ADAM12: variants seen among roughly 807,000 people sequenced by gnomAD.
ADAM12 encodes disintegrin and metalloproteinase domain-containing protein 12.
In ADAM12, 70 loss-of-function variants were observed where a neutral mutation model predicts 106.4. The observed-to-expected ratio is 0.66, with a 90% CI of 0.54 to 0.80. ADAM12 has a LOEUF of 0.80. Among genes scored for constraint, ADAM12 ranks in the 30% least tolerant of loss-of-function variants. ADAM12 has a pLI of 0.00. For synonymous variants in ADAM12, 420 were observed against 433.5 expected, an observed-to-expected ratio of 0.97 and a Z score of 0.39; for missense variants, 1,010 against 1,171.9, an observed-to-expected ratio of 0.86 and a Z score of 2.02.
At chr10:126,368,111 G>T (rs1855977608) in intron 1 of ADAM12, among the ~76,000 whole-genome samples, 1 of 151,766 alleles carries the variant, frequency 6.6e-6, no homozygotes, top group Non-Finnish European at 1.5e-5. Context: ...GTGCATATAA[G>T]TATATGTATG....
At chr10:126,314,334 C>T (rs1379241706) in intron 2 of ADAM12, among the ~76,000 whole-genome samples, 2 of 152,098 alleles carry the variant, frequency 1.3e-5, no homozygotes. Flanking sequence ...GCTGGGGATG[C>T]TGTGGGGTGA....
intron 22 of ADAM12, among the ~76,000 whole-genome samples, chr10:126,018,723 T>G (rs1953704568): frequency 6.6e-6 from 1 of 152,180 alleles, no homozygotes; most frequent in Non-Finnish European, 1.5e-5. Flanking sequence ...ACCATGGGGT[T>G]AGCCTCCCAG....
chr10:126,351,444 C>T (rs1356568228), intron 1 of ADAM12, among the ~76,000 whole-genome samples: 2 of 152,182 alleles, frequency 1.3e-5, no homozygotes, highest in African/African-American at 2.4e-5. Flanking sequence ...AATGGTCCCT[C>T]CTGCTCTGGC....
chr10:126,243,479 GTGTGAGTGTA>G (rs915723432), intron 3 of ADAM12, among the ~76,000 whole-genome samples: 4 of 120,692 alleles, frequency 3.3e-5, no homozygotes, highest in African/African-American at 9.5e-5. Context: ...AACTCTGTGT[GTGTGAGTGTA>G]TGTGTGTGTG....
intron 22 of ADAM12, 120 bp downstream of exon 22, chr10:126,019,563 GGTATTCCCAGTT>G: frequency 2.0e-5 from 23 of 1,175,826 alleles, no homozygotes; most frequent in Non-Finnish European, 2.7e-5. Flanking sequence ...TCTATTTTAC[GGTATTCCCAGTT>G]GTAGGGGGAG....
chr10:126,265,556 C>G (rs919078595), intron 3 of ADAM12, among the ~76,000 whole-genome samples: 1 of 152,110 alleles, frequency 6.6e-6, no homozygotes, highest in Non-Finnish European at 1.5e-5. Context: ...AAGAGAAGAA[C>G]GAGGACCACC....
chr10:126,299,980 C>T (rs1037250619), intron 2 of ADAM12, among the ~76,000 whole-genome samples: 12 of 152,274 alleles, frequency 7.9e-5, no homozygotes, highest in South Asian at 6.2e-4. Context: ...CTCATATCAC[C>T]GTCAGTCTCT....
chr10:126,120,950 A>ATATAATATATATTATATTACATATGTAT (rs1956076459), intron 5 of ADAM12, among the ~76,000 whole-genome samples: 1 of 137,192 alleles, frequency 7.3e-6, no homozygotes, highest in African/African-American at 2.7e-5. Context: ...TACATATGTA[A>ATATAATATATATTATATTACATATGTAT]TATAATATAT....
intron 3 of ADAM12, among the ~76,000 whole-genome samples, chr10:126,179,707 C>A (rs1193456721): frequency 6.6e-6 from 1 of 152,016 alleles, no homozygotes; most frequent in Non-Finnish European, 1.5e-5. Flanking sequence ...TGGGTTAGAC[C>A]ATGGTTCACA....
At chr10:126,087,432 T>G (rs1451594485) in intron 11 of ADAM12, among the ~76,000 whole-genome samples, 2 of 152,190 alleles carry the variant, frequency 1.3e-5, no homozygotes, top group Non-Finnish European at 2.9e-5. Flanking sequence ...TGATTCTAAC[T>G]AGTAGTGTTT....
intron 3 of ADAM12, among the ~76,000 whole-genome samples, chr10:126,228,194 T>C (rs1236830008): frequency 1.3e-5 from 2 of 152,192 alleles, no homozygotes; most frequent in African/African-American, 4.8e-5. Flanking sequence ...ATCAACATTT[T>C]CTGAAAGTTC....
chr10:126,221,353 G>A (rs1480169516), intron 3 of ADAM12, among the ~76,000 whole-genome samples: 2 of 142,764 alleles, frequency 1.4e-5, no homozygotes, highest in Non-Finnish European at 3.0e-5. Context: ...TTGTGTCACT[G>A]GACTCCAGCC....
intron 3 of ADAM12, among the ~76,000 whole-genome samples, chr10:126,187,486 G>C (rs1351108462): frequency 6.6e-6 from 1 of 152,198 alleles, no homozygotes; most frequent in Non-Finnish European, 1.5e-5. Flanking sequence ...GCAAGTGGCT[G>C]TATTTGATGT....
chr10:126,211,276 G>A (rs2133836852), intron 3 of ADAM12, among the ~76,000 whole-genome samples: 1 of 152,312 alleles, frequency 6.6e-6, no homozygotes, highest in Non-Finnish European at 1.5e-5. Flanking sequence ...CCTGAAGTGT[G>A]TTTGTTCCCC....
At chr10:126,017,474 C>T (rs1034768572) in intron 22 of ADAM12, 135 bp from the exon 23 acceptor site, 11 of 773,964 alleles carry the variant, frequency 1.4e-5, no homozygotes, top group South Asian at 5.2e-5. Flanking sequence ...CCCCTCATAA[C>T]GGGGGTGGGA....
intron 3 of ADAM12, among the ~76,000 whole-genome samples, chr10:126,213,996 C>T (rs551701140): frequency 7.0e-4 from 106 of 152,232 alleles, no homozygotes; most frequent in African/African-American, 2.5e-3. Flanking sequence ...ATACTGATTA[C>T]AAAAGTACAA....
At chr10:126,242,617 C>T (rs1958548569) in intron 3 of ADAM12, among the ~76,000 whole-genome samples, 1 of 152,330 alleles carries the variant, frequency 6.6e-6, no homozygotes, top group African/African-American at 2.4e-5. Flanking sequence ...ACGCCCCTGA[C>T]ACAGGCTGAG....
intron 2 of ADAM12, among the ~76,000 whole-genome samples, chr10:126,279,938 G>C (rs1959483715): frequency 6.6e-6 from 1 of 152,154 alleles, no homozygotes; most frequent in African/African-American, 2.4e-5. Context: ...CCTTTGCTTT[G>C]TCAGTTATTT....
chr10:126,333,006 G>A (rs10901596), intron 1 of ADAM12, among the ~76,000 whole-genome samples: 76,450 of 151,982 alleles, frequency 0.5, 19,494 homozygotes, highest in Middle Eastern at 0.63. Flanking sequence ...AATACTAGCA[G>A]TTATGGGGTG....
Sources: allele counts gnomAD v4.1 joint callset (sites outside exome capture counted in the v4.1 genomes callset), GRCh38; gene constraint gnomAD v4.1.1; transcripts MANE v1.5; gene names NCBI Gene and HGNC (gene_info 2026-07-23, HGNC 2026-07-21).